HDAC9: variants seen among roughly 807,000 people sequenced by gnomAD.
The protein encoded by HDAC9 is MEF-2 interacting transcription repressor (MITR) protein.
Under a neutral mutation model 139.4 loss-of-function variants are expected in HDAC9, and 41 were observed. The ratio of observed to expected loss-of-function variants is 0.29; its 90% confidence interval spans 0.23 to 0.38. The LOEUF (loss-of-function observed/expected upper bound fraction) is 0.38, where lower values mean the gene tolerates loss of function less well. HDAC9 is among the 10% of genes least tolerant of loss of function. HDAC9 has a pLI of 1.00. For missense variants in HDAC9, 1,147 were observed against 1,297.0 expected, an observed-to-expected ratio of 0.88 and a Z score of 1.78; for synonymous variants, 517 against 476.2, an observed-to-expected ratio of 1.09 and a Z score of -1.12.
At chr7:18,957,922 G>C (rs1288329360) in intron 24 of HDAC9, among the ~76,000 whole-genome samples, 1 of 152,154 alleles carries the variant, frequency 6.6e-6, no homozygotes, top group African/African-American at 2.4e-5. Context: ...CAGGCTTGTA[G>C]CATGTGGGAA....
At chr7:18,630,251 T>A (rs898289943) in intron 7 of HDAC9, among the ~76,000 whole-genome samples, 1 of 152,138 alleles carries the variant, frequency 6.6e-6, no homozygotes, top group South Asian at 2.1e-4. Flanking sequence ...TCTAGTTGTT[T>A]CCTTTGGTTG....
At chr7:18,823,162 T>A (rs1795115881) in intron 17 of HDAC9, among the ~76,000 whole-genome samples, 1 of 152,112 alleles carries the variant, frequency 6.6e-6, no homozygotes, top group Non-Finnish European at 1.5e-5. Context: ...TCACATAGGA[T>A]CAGGGATGGT....
intron 25 of HDAC9, among the ~76,000 whole-genome samples, chr7:18,976,937 C>T (rs542768944): frequency 6.6e-6 from 1 of 152,192 alleles, no homozygotes; most frequent in Non-Finnish European, 1.5e-5. Flanking sequence ...TGGCAATTTT[C>T]CCAAGAATGC....
At chr7:18,784,093 C>G (rs1426167432) in intron 16 of HDAC9, among the ~76,000 whole-genome samples, 1 of 151,104 alleles carries the variant, frequency 6.6e-6, no homozygotes, top group Admixed American at 6.6e-5. Context: ...AATCTGTACC[C>G]CTTCTATATT....
At chr7:18,834,818 C>T (rs762681942) in intron 19 of HDAC9, among the ~76,000 whole-genome samples, 10 of 152,198 alleles carry the variant, frequency 6.6e-5, no homozygotes, top group Admixed American at 1.3e-4. Flanking sequence ...GGATTGCTAA[C>T]TGAACTGAAC....
chr7:18,382,173 TAAAAA>T (rs201203633), intron 1 of HDAC9, among the ~76,000 whole-genome samples: 2 of 150,778 alleles, frequency 1.3e-5, no homozygotes, highest in Admixed American at 6.6e-5. Flanking sequence ...TTCCATATCT[TAAAAA>T]AAAAGATAAG....
chr7:18,978,433 G>A (rs746427192), intron 25 of HDAC9, among the ~76,000 whole-genome samples: 3 of 152,076 alleles, frequency 2.0e-5, no homozygotes, highest in East Asian at 1.9e-4. Flanking sequence ...TAGTCATTTC[G>A]TTTTTATAAC....
chr7:18,686,519 C>A (rs534942169), intron 12 of HDAC9, among the ~76,000 whole-genome samples: 5 of 151,980 alleles, frequency 3.3e-5, no homozygotes, highest in Admixed American at 1.3e-4. Flanking sequence ...TTATGAAATC[C>A]CCAACTCTTC....
intron 1 of HDAC9, among the ~76,000 whole-genome samples, chr7:18,160,702 T>C (rs113672867): frequency 0.024 from 3,591 of 152,162 alleles, 143 homozygotes; most frequent in African/African-American, 0.081. Context: ...CTGCAACCTC[T>C]GCCTCCCGGG....
At chr7:18,778,409 C>A (rs948520922) in intron 16 of HDAC9, among the ~76,000 whole-genome samples, 1 of 151,998 alleles carries the variant, frequency 6.6e-6, no homozygotes, top group African/African-American at 2.4e-5. Context: ...TCATTTCACA[C>A]ACCTACTGAG....
chr7:18,971,103 C>T (rs1035245387), intron 24 of HDAC9, among the ~76,000 whole-genome samples: 2 of 152,136 alleles, frequency 1.3e-5, no homozygotes, highest in African/African-American at 4.8e-5. Context: ...CATCTATGGC[C>T]CTCACCTCTA....
At chr7:18,277,313 A>G (rs75712915) in intron 2 of HDAC9, among the ~76,000 whole-genome samples, 5,049 of 152,296 alleles carry the variant, frequency 0.033, 102 homozygotes, top group African/African-American at 0.044. Context: ...AAGCTGGCAG[A>G]GAAGGCAACT....
intron 15 of HDAC9, among the ~76,000 whole-genome samples, chr7:18,765,480 C>T (rs528251406): frequency 6.6e-6 from 1 of 152,058 alleles, no homozygotes; most frequent in South Asian, 2.1e-4. Context: ...ATTAGCCAGG[C>T]ATGGTGATGC....
At chr7:18,793,276 C>T in intron 16 of HDAC9, 69 bp from the exon 17 acceptor site, 1 of 1,070,016 alleles carries the variant, frequency 9.3e-7, no homozygotes, top group Non-Finnish European at 1.4e-6. Flanking sequence ...TCCCCTTTTA[C>T]CCCTTTCATC....
chr7:18,799,807 A>G (rs1793139934), intron 17 of HDAC9, among the ~76,000 whole-genome samples: 1 of 152,216 alleles, frequency 6.6e-6, no homozygotes. Context: ...CATATGCATA[A>G]TAAGTTTCAG....
upstream of HDAC9, chr7:18,495,688 A>G: frequency 1.1e-6 from 1 of 950,762 alleles, no homozygotes; most frequent in Non-Finnish European, 1.3e-6. Context: ...TTGTTGATTC[A>G]TATGCAAATG....
At chr7:18,635,170 GT>G (rs1783505545) in intron 8 of HDAC9, among the ~76,000 whole-genome samples, 1 of 151,694 alleles carries the variant, frequency 6.6e-6, no homozygotes, top group South Asian at 2.1e-4. Context: ...TTGGTTATTG[GT>G]TGTGCCGATG....
At chr7:18,802,354 T>C (rs889924510) in intron 17 of HDAC9, among the ~76,000 whole-genome samples, 17 of 152,106 alleles carry the variant, frequency 1.1e-4, no homozygotes, top group Non-Finnish European at 2.2e-4. Flanking sequence ...AATTTAAATA[T>C]AAGACATTCA....
intron 17 of HDAC9, among the ~76,000 whole-genome samples, chr7:18,802,041 A>G (rs1305629293): frequency 6.6e-6 from 1 of 151,382 alleles, no homozygotes; most frequent in Non-Finnish European, 1.5e-5. Context: ...ATATTTTATG[A>G]ATTTCTTCTA....
Sources: allele counts gnomAD v4.1 joint callset (sites outside exome capture counted in the v4.1 genomes callset), GRCh38; gene constraint gnomAD v4.1.1; transcripts MANE v1.5; gene names NCBI Gene and HGNC (gene_info 2026-07-23, HGNC 2026-07-21).